SEM1: variants seen among roughly 807,000 people sequenced by gnomAD.
SEM1 encodes SEM1 26S proteasome subunit, also known as 26S proteasome complex subunit SEM1.
A neutral mutation model predicts 12.7 loss-of-function variants in SEM1; 3 were observed. That is an observed-to-expected ratio of 0.24 (90% CI 0.11 to 0.61). The LOEUF is 0.61. SEM1 is among the 20% of genes least tolerant of loss of function. The pLI is 0.88. For missense variants in SEM1, 59 were observed against 81.3 expected, an observed-to-expected ratio of 0.73 and a Z score of 1.06; for synonymous variants, 30 against 27.8, an observed-to-expected ratio of 1.08 and a Z score of -0.25.
intron 2 of SEM1, among the ~76,000 whole-genome samples, chr7:96,604,797 T>TAAAAAAA (rs1185228893): frequency 6.6e-6 from 1 of 152,096 alleles, no homozygotes; most frequent in Non-Finnish European, 1.5e-5. Context: ...TGCATGCCTC[T>TAAAAAAA]AATCCTAGCT....
chr7:96,683,277 T>TA (rs1159176880), intron 2 of SEM1, among the ~76,000 whole-genome samples: 1 of 151,292 alleles, frequency 6.6e-6, no homozygotes, highest in Non-Finnish European at 1.5e-5. Context: ...CAAACATATT[T>TA]AAAAAAAGCT....
intron 2 of SEM1, chr7:96,649,118 C>A (rs1338757551): frequency 3.9e-5 from 6 of 152,158 alleles, no homozygotes; most frequent in African/African-American, 1.4e-4. Context: ...TTGTGTCTAC[C>A]CTAATTCATT....
intron 2 of SEM1, among the ~76,000 whole-genome samples, chr7:96,641,099 TATTTTTAG>T (rs989556503): frequency 2.8e-4 from 42 of 151,822 alleles, no homozygotes; most frequent in African/African-American, 9.4e-4. Context: ...ATTTTTTCAA[TATTTTTAG>T]GTAGTATTTT....
intron 2 of SEM1, among the ~76,000 whole-genome samples, chr7:96,693,626 G>C (rs1047083308): frequency 6.6e-6 from 1 of 151,918 alleles, no homozygotes; most frequent in Non-Finnish European, 1.5e-5. Flanking sequence ...CAAGGATGTG[G>C]AGAGACTGAA....
chr7:96,651,828 C>T (rs1040115750), intron 2 of SEM1, among the ~76,000 whole-genome samples: 8 of 152,138 alleles, frequency 5.3e-5, no homozygotes, highest in African/African-American at 1.9e-4. Flanking sequence ...CTGCCTTGGC[C>T]TCCCAAAGTA....
chr7:96,501,845 T>C (rs1449130457), intron 3 of SEM1, among the ~76,000 whole-genome samples: 1 of 152,126 alleles, frequency 6.6e-6, no homozygotes, highest in African/African-American at 2.4e-5. Context: ...TAGTACCCAA[T>C]AGTTAGTTTT....
chr7:96,670,613 C>G (rs958531041), downstream of SEM1, among the ~76,000 whole-genome samples: 1 of 152,122 alleles, frequency 6.6e-6, no homozygotes, highest in Non-Finnish European at 1.5e-5. Flanking sequence ...TTTTTGTATC[C>G]TCATCTGACA....
intron 2 of SEM1, among the ~76,000 whole-genome samples, chr7:96,590,655 T>G (rs1022496715): frequency 7.9e-5 from 12 of 152,174 alleles, no homozygotes; most frequent in Non-Finnish European, 1.5e-5. Flanking sequence ...CTAATTTAAA[T>G]TAGAGTGCCT....
chr7:96,692,292 A>G (rs1789952307), intron 2 of SEM1, among the ~76,000 whole-genome samples: 1 of 152,212 alleles, frequency 6.6e-6, no homozygotes. Context: ...AAAGACATAA[A>G]AGAAACAAAA....
chr7:96,538,832 G>A (rs562319552), intron 2 of SEM1, among the ~76,000 whole-genome samples: 47 of 151,840 alleles, frequency 3.1e-4, no homozygotes, highest in African/African-American at 8.4e-4. Context: ...ATAGAGCTGC[G>A]GTAATGTCTT....
intron 2 of SEM1, among the ~76,000 whole-genome samples, chr7:96,522,800 A>G (rs2115650217): frequency 6.9e-6 from 1 of 143,954 alleles, no homozygotes; most frequent in East Asian, 2.1e-4. Context: ...CTGAGGTGGG[A>G]GAATTGCTTG....
chr7:96,668,461 G>A (rs2116567054), downstream of SEM1, among the ~76,000 whole-genome samples: 1 of 152,212 alleles, frequency 6.6e-6, no homozygotes, highest in African/African-American at 2.4e-5. Context: ...GCCAATTACA[G>A]TCCTCAACTT....
intron 2 of SEM1, among the ~76,000 whole-genome samples, chr7:96,636,194 A>T (rs2116364776): frequency 1.3e-5 from 2 of 152,180 alleles, no homozygotes; most frequent in East Asian, 3.9e-4. Flanking sequence ...GTCAAGGAAG[A>T]TATATAACAC....
intron 2 of SEM1, among the ~76,000 whole-genome samples, chr7:96,597,960 TCTTA>T (rs1807058323): frequency 6.6e-6 from 1 of 152,192 alleles, no homozygotes; most frequent in Non-Finnish European, 1.5e-5. Flanking sequence ...CTGTTTTGCA[TCTTA>T]CTTTGTCACT....
chr7:96,562,511 G>A (rs4346936), intron 2 of SEM1, among the ~76,000 whole-genome samples: 145,745 of 152,316 alleles, frequency 0.96, 69,807 homozygotes, highest in Non-Finnish European at 0.98. Flanking sequence ...TAAGCGCTAC[G>A]CTAAAAATTA....
chr7:96,519,511 G>A (rs1318995019), intron 2 of SEM1, among the ~76,000 whole-genome samples: 1 of 152,042 alleles, frequency 6.6e-6, no homozygotes, highest in Non-Finnish European at 1.5e-5. Flanking sequence ...GAGTGGGTGG[G>A]TTGAGATTTT....
At chr7:96,483,134 C>T (rs923356628) in exon 4 of SEM1, 2 of 152,118 alleles carry the variant, frequency 1.3e-5, no homozygotes, top group African/African-American at 4.8e-5. Flanking sequence ...ACTTCATAGG[C>T]ATTATGTCAT....
chr7:96,514,399 T>A (rs867525225), intron 2 of SEM1, among the ~76,000 whole-genome samples: 3 of 152,092 alleles, frequency 2.0e-5, no homozygotes, highest in African/African-American at 7.2e-5. Flanking sequence ...TTCAACATCA[T>A]ACTGGAAGTT....
intron 2 of SEM1, among the ~76,000 whole-genome samples, chr7:96,513,054 T>C (rs377141367): frequency 9.9e-5 from 15 of 152,096 alleles, no homozygotes; most frequent in African/African-American, 3.4e-4. Flanking sequence ...TCTTTGCAGA[T>C]GATCGAGTTA....
Sources: gnomAD v4.1 joint callset for allele counts (sites outside exome capture counted in the v4.1 genomes callset) on GRCh38, gnomAD v4.1.1 for gene constraint, MANE v1.5 for transcripts, NCBI Gene and HGNC (gene_info 2026-07-23, HGNC 2026-07-21) for gene names.